The following HPSE2 variants were observed in gnomAD, a reference collection of about 807,000 sequenced individuals.
HPSE2 encodes heparanase 2 (inactive).
HPSE2 carries 38 observed loss-of-function variants against 60.5 expected under a neutral mutation model. The ratio of observed to expected loss-of-function variants is 0.63; its 90% CI spans 0.48 to 0.82. The LOEUF (loss-of-function observed/expected upper bound fraction) is 0.82, where lower values mean the gene tolerates loss of function less well. Among genes scored for constraint, HPSE2 ranks in the 40% least tolerant of loss-of-function variants. The pLI is 0.00. For missense variants in HPSE2, 713 were observed against 740.4 expected, an observed-to-expected ratio of 0.96 and a Z score of 0.43; for synonymous variants, 295 against 293.2, an observed-to-expected ratio of 1.01 and a Z score of -0.06.
chr10:98,684,484 T>C (rs185487464), intron 6 of HPSE2, among the ~76,000 whole-genome samples: 1 of 152,318 alleles, frequency 6.6e-6, no homozygotes, highest in East Asian at 1.9e-4. Flanking sequence ...AATGTCATCA[T>C]AGCATACCAC....
chr10:98,688,364 G>A (rs1231728524), intron 6 of HPSE2, among the ~76,000 whole-genome samples: 2 of 151,268 alleles, frequency 1.3e-5, no homozygotes, highest in African/African-American at 4.9e-5. Flanking sequence ...TTTATATTTA[G>A]CCACAAATGT....
intron 3 of HPSE2, among the ~76,000 whole-genome samples, chr10:98,989,777 G>A (rs370168525): frequency 1.1e-4 from 16 of 152,156 alleles, no homozygotes; most frequent in African/African-American, 3.6e-4. Context: ...AGTATACAAA[G>A]CAGGCTTGGA....
chr10:98,695,395 A>G (rs1948185467), intron 5 of HPSE2, among the ~76,000 whole-genome samples: 1 of 152,194 alleles, frequency 6.6e-6, no homozygotes, highest in Admixed American at 6.5e-5. Context: ...AAAGTAGAAA[A>G]TGACACATGG....
intron 3 of HPSE2, among the ~76,000 whole-genome samples, chr10:98,764,715 G>C (rs1005234074): frequency 2.6e-5 from 4 of 152,028 alleles, no homozygotes; most frequent in Non-Finnish European, 4.4e-5. Flanking sequence ...AAATTAGCCG[G>C]GTGTGGTGGC....
chr10:99,205,171 GA>G (rs1455299430), intron 2 of HPSE2, among the ~76,000 whole-genome samples: 1 of 152,110 alleles, frequency 6.6e-6, no homozygotes, highest in Non-Finnish European at 1.5e-5. Flanking sequence ...GGGTATTCTA[GA>G]AGCCCAGTCC....
intron 3 of HPSE2, among the ~76,000 whole-genome samples, chr10:98,822,263 C>T (rs1951442380): frequency 6.6e-6 from 1 of 152,136 alleles, no homozygotes; most frequent in Admixed American, 6.5e-5. Flanking sequence ...CTAATGGACA[C>T]TCTGAGGTTT....
In HPSE2 at chr10:98,912,196, T is replaced by C. The variant is rs538708263; in HGVS notation, c.611-168140A>G. Reference sequence around the variant, plus strand: ...AATGCAGAGAGTGGAAAAAATCCTATATTTAGCAACTACTTTGTTCTCTGC... The same window carrying C: ...AATGCAGAGAGTGGAAAAAATCCTACATTTAGCAACTACTTTGTTCTCTGC... On this transcript the variant is annotated intron_variant, in intron 3 of 11. Coordinates refer to ENST00000370552, the MANE Select transcript of HPSE2 (RefSeq NM_021828.5). Among the ~76,000 whole-genome samples the C allele has an allele frequency of 1.1e-4, 16 of 152,288 alleles. No individual in the cohort carries two copies. In the East Asian group the frequency reaches 3.1e-3, roughly 29 times the overall value.
At chr10:98,926,498 G>C (rs745958366) in intron 3 of HPSE2, among the ~76,000 whole-genome samples, 2 of 152,110 alleles carry the variant, frequency 1.3e-5, no homozygotes, top group Admixed American at 6.6e-5. Context: ...AGAAAAAGGA[G>C]GCATGCTTCA....
At chr10:98,544,335 A>G (rs1440864305) in intron 9 of HPSE2, among the ~76,000 whole-genome samples, 2 of 152,210 alleles carry the variant, frequency 1.3e-5, no homozygotes, top group Admixed American at 6.5e-5. Flanking sequence ...AAAGCAGTGT[A>G]AAGAGGGAAA....
the HPSE2 span, among the ~76,000 whole-genome samples, chr10:99,297,405 A>G: frequency 6.6e-6 from 1 of 151,956 alleles, no homozygotes; most frequent in African/African-American, 2.4e-5. Flanking sequence ...TTCTGCCCAC[A>G]CTCCCATAGT....
intron 2 of HPSE2, among the ~76,000 whole-genome samples, chr10:99,221,135 G>A (rs544371561): frequency 5.3e-5 from 8 of 152,144 alleles, no homozygotes; most frequent in Admixed American, 3.3e-4. Flanking sequence ...ATGAGCCACC[G>A]CACTTGGCCG....
chr10:98,677,160 G>C (rs1947665671), intron 6 of HPSE2, among the ~76,000 whole-genome samples: 1 of 152,166 alleles, frequency 6.6e-6, no homozygotes, highest in African/African-American at 2.4e-5. Flanking sequence ...GAAACTCCTT[G>C]CTAACTAAGC....
chr10:98,730,202 C>A (rs1389796705), intron 4 of HPSE2, among the ~76,000 whole-genome samples: 1 of 151,776 alleles, frequency 6.6e-6, no homozygotes, highest in South Asian at 2.1e-4. Flanking sequence ...GAGAAATCCC[C>A]AAATATTTGA....
chr10:99,116,145 G>A (rs1489250172), intron 3 of HPSE2, among the ~76,000 whole-genome samples: 2 of 151,856 alleles, frequency 1.3e-5, no homozygotes. Context: ...TTTCCCAGGG[G>A]ACTGAGTGAT....
intron 3 of HPSE2, among the ~76,000 whole-genome samples, chr10:98,909,332 A>C (rs572033332): frequency 6.6e-6 from 1 of 152,200 alleles, no homozygotes; most frequent in Admixed American, 6.5e-5. Flanking sequence ...GTATTCAAAA[A>C]AGTTTTTTTT....
At chr10:98,882,139 A>T (rs1028182819) in intron 3 of HPSE2, among the ~76,000 whole-genome samples, 7 of 152,020 alleles carry the variant, frequency 4.6e-5, no homozygotes, top group Non-Finnish European at 1.0e-4. Context: ...TGCCTTGGGT[A>T]GCTGCTAGTC....
chr10:99,184,837 G>C (rs1186353622), intron 2 of HPSE2, among the ~76,000 whole-genome samples: 1,380 of 63,874 alleles, frequency 0.022, 104 homozygotes, highest in Non-Finnish European at 0.048. Flanking sequence ...GAGAGAGAGA[G>C]AGAGAGAGAG....
intron 2 of HPSE2, among the ~76,000 whole-genome samples, chr10:99,208,645 A>G (rs945275470): frequency 6.6e-6 from 1 of 151,390 alleles, no homozygotes; most frequent in Non-Finnish European, 1.5e-5. Flanking sequence ...TGATTACACC[A>G]CTGCACTCCC....
chr10:98,641,437 A>C (rs1019402682), intron 7 of HPSE2, among the ~76,000 whole-genome samples: 6 of 151,944 alleles, frequency 3.9e-5, no homozygotes, highest in African/African-American at 1.5e-4. Context: ...AAATATAAAA[A>C]TTGGCTGGGC....
Sources: gnomAD v4.1 joint callset for allele counts (sites outside exome capture counted in the v4.1 genomes callset) on GRCh38, gnomAD v4.1.1 for gene constraint, MANE v1.5 for transcripts, NCBI Gene and HGNC (gene_info 2026-07-23, HGNC 2026-07-21) for gene names.